The following NREP variants were observed in gnomAD, a reference collection of about 807,000 sequenced individuals.
NREP encodes neuronal regeneration-related protein.
NREP carries 5 observed loss-of-function variants against 8.6 expected under a neutral mutation model. The ratio of observed to expected loss-of-function variants is 0.58; its 90% CI spans 0.30 to 1.22. The LOEUF is 1.22. Ranked by LOEUF, NREP falls within the 50% of genes most tolerant of loss-of-function variation. The probability of loss-of-function intolerance (pLI) is 0.07; values close to 1 mark genes in which losing one functional copy is unlikely to be tolerated. For missense variants in NREP, 86 were observed against 82.5 expected, an observed-to-expected ratio of 1.04 and a Z score of -0.17; for synonymous variants, 27 against 28.0, an observed-to-expected ratio of 0.96 and a Z score of 0.11.
chr5:111,936,672 C>T (rs964923051), intron 2 of NREP, among the ~76,000 whole-genome samples: 2 of 152,102 alleles, frequency 1.3e-5, no homozygotes, highest in Non-Finnish European at 2.9e-5. Context: ...TCGCTACTCT[C>T]CCACACAGTT....
rs80062440 is a variant in NREP, at chr5:111,879,938, G to A, written c.135+95336C>T. On this transcript the variant is annotated intron_variant, in intron 2 of 3. Transcript: ENST00000395634. The stretch of plus-strand genomic sequence containing the variant: ...CTTCTAACCCTAATTACCTCCCAAA[G>A]GTCAGTCTCCAAATATCATCACCTT... 0.021 allele frequency among the ~76,000 whole-genome samples: 3,141 copies of A among 152,222 alleles called. 189 individuals are homozygous for A. The East Asian group carries it at 0.24, about 11-fold the overall frequency.
chr5:111,882,594 C>G (rs531421462), intron 2 of NREP, among the ~76,000 whole-genome samples: 1 of 152,160 alleles, frequency 6.6e-6, no homozygotes, highest in African/African-American at 2.4e-5. Context: ...GGCTGGGTTA[C>G]CCACAAAGGG....
At chr5:111,729,168 C>CTGAT (rs1359138660), downstream of NREP, 1 of 152,158 alleles carries the variant, frequency 6.6e-6, no homozygotes, top group African/African-American at 2.4e-5. Flanking sequence ...AAAGGCAGAG[C>CTGAT]TGATTCTCTC....
At chr5:111,925,405 C>T (rs946252173) in intron 2 of NREP, among the ~76,000 whole-genome samples, 2 of 152,150 alleles carry the variant, frequency 1.3e-5, no homozygotes, top group African/African-American at 4.8e-5. Flanking sequence ...TTAGTGGATC[C>T]TGTACTTTAC....
At chr5:111,749,415 A>AT (rs779338273) in intron 2 of NREP, among the ~76,000 whole-genome samples, 186 of 151,932 alleles carry the variant, frequency 1.2e-3, no homozygotes, top group Middle Eastern at 6.8e-3. Context: ...TGTGCTATTT[A>AT]TAAGAGATTG....
intron 2 of NREP, among the ~76,000 whole-genome samples, chr5:111,883,072 C>A (rs572713427): frequency 6.6e-6 from 1 of 152,186 alleles, no homozygotes; most frequent in Non-Finnish European, 1.5e-5. Context: ...GTGCTGTATT[C>A]AGGAAAGCCA....
At chr5:111,840,477 A>G (rs1753002651) in intron 2 of NREP, among the ~76,000 whole-genome samples, 2 of 152,126 alleles carry the variant, frequency 1.3e-5, no homozygotes, top group Non-Finnish European at 2.9e-5. Context: ...ACTTTGTTAC[A>G]GGAGAGAATA....
chr5:111,921,551 C>T (rs543011135), intron 2 of NREP, among the ~76,000 whole-genome samples: 1 of 152,288 alleles, frequency 6.6e-6, no homozygotes, highest in South Asian at 2.1e-4. Context: ...TTTTGTAGAG[C>T]AACTGCTGCC....
intron 2 of NREP, among the ~76,000 whole-genome samples, chr5:111,897,982 A>C (rs916561823): frequency 6.6e-6 from 1 of 152,152 alleles, no homozygotes; most frequent in Admixed American, 6.6e-5. Context: ...AAGTCCATAA[A>C]TTTTTCTCAA....
intron 2 of NREP, among the ~76,000 whole-genome samples, chr5:111,782,921 C>T (rs1333836512): frequency 6.6e-6 from 1 of 151,922 alleles, no homozygotes; most frequent in Admixed American, 6.6e-5. Context: ...TTAAACGAGA[C>T]AAGGTTTCGC....
At chr5:111,889,269 CAAGA>C (rs1275477210) in intron 2 of NREP, among the ~76,000 whole-genome samples, 1 of 152,132 alleles carries the variant, frequency 6.6e-6, no homozygotes, top group African/African-American at 2.4e-5. Flanking sequence ...GAAGCAGGAG[CAAGA>C]GAGAGTGGTG....
intron 2 of NREP, among the ~76,000 whole-genome samples, chr5:111,828,219 G>A (rs1307179638): frequency 6.6e-6 from 1 of 152,038 alleles, no homozygotes; most frequent in Non-Finnish European, 1.5e-5. Context: ...TAGTAGAGAT[G>A]GGGTTTCTCT....
intron 2 of NREP, among the ~76,000 whole-genome samples, chr5:111,908,840 G>A (rs931789174): frequency 5.3e-5 from 8 of 151,786 alleles, no homozygotes; most frequent in Non-Finnish European, 1.0e-4. Context: ...AGTTCTTTGA[G>A]AAATCTCCAT....
chr5:111,902,277 G>A (rs897739153), intron 2 of NREP, among the ~76,000 whole-genome samples: 9 of 151,912 alleles, frequency 5.9e-5, no homozygotes, highest in Admixed American at 2.6e-4. Context: ...CCTATCTCTC[G>A]CCATCCACAA....
intron 2 of NREP, among the ~76,000 whole-genome samples, chr5:111,737,677 A>C (rs975489543): frequency 2.1e-4 from 32 of 150,984 alleles, no homozygotes; most frequent in Admixed American, 6.6e-5. Context: ...TATTACACCT[A>C]TTCTAACAAT....
Position 111,734,837 on chromosome 5 carries a change from G to T in NREP, c.81+593C>A, listed in dbSNP as rs1748953796. The T allele has an allele frequency of 3.6e-5, 19 of 530,428 alleles. No homozygotes were observed. In the South Asian group the frequency reaches 4.7e-4, roughly 13 times the overall value. 32.9% of individuals were successfully genotyped at this position (530,428 alleles called of 1,614,324 possible). On this transcript the variant is annotated intron_variant, in intron 3 of 3. Transcript: ENST00000257435. ...TAAGAGGCAAAGTCCAGTATCTACA[G>T]TAAAAACTGGTAAGTAGTTGTTATT...
intron 2 of NREP, among the ~76,000 whole-genome samples, chr5:111,935,025 G>A (rs918259488): frequency 6.6e-6 from 1 of 152,020 alleles, no homozygotes; most frequent in Non-Finnish European, 1.5e-5. Context: ...GGGCCATCAG[G>A]GAAAGAAATA....
In NREP at chr5:111,851,146, C is replaced by T. The variant is rs765199539; in HGVS notation, c.136-115639G>A. ...GCCTCAGGGTGACTATGCTCAGTTC[C>T]ACCTCTGTACCTCTGCCTACATTGA... On this transcript the variant is annotated intron_variant, in intron 2 of 3. Transcript: ENST00000395634. Among the ~76,000 whole-genome samples the T allele has an allele frequency of 5.3e-5, 8 of 152,120 alleles. 1 individual carries two copies. The highest frequency in any genetic ancestry group is 1.0e-4 in the Non-Finnish European group (7 of 68,010).
In NREP at chr5:111,734,908, A is replaced by G. The variant is rs370942383; in HGVS notation, c.81+522T>C. 4.0e-5 allele frequency: 17 copies of G among 428,570 alleles called. No homozygotes were observed. In the South Asian group the frequency reaches 6.7e-4, roughly 17 times the overall value. The allele number at this position is 428,570 out of a possible 1,614,324, so 26.5% of individuals were successfully genotyped here. A position where few individuals can be genotyped will look rare whatever the true frequency, so the allele number is the denominator to read the frequency against. ...TAAAATCTAAAATATAAATTTTACA[A>G]ATTTTCTTGAGGCAGAGAACTGCCA... On this transcript the variant is annotated intron_variant, in intron 3 of 3. Transcript: ENST00000257435.
Sources: gnomAD v4.1 joint callset for allele counts (sites outside exome capture counted in the v4.1 genomes callset) on GRCh38, gnomAD v4.1.1 for gene constraint, MANE v1.5 for transcripts, NCBI Gene and HGNC (gene_info 2026-07-23, HGNC 2026-07-21) for gene names.